Variants in ARHGDIA observed in about 807,000 individuals in gnomAD.
The protein encoded by ARHGDIA is rho GDP-dissociation inhibitor 1.
A neutral mutation model predicts 25.0 loss-of-function variants in ARHGDIA; 9 were observed. That is an observed-to-expected ratio of 0.36 (90% confidence interval 0.22 to 0.63). The LOEUF is 0.63. ARHGDIA is among the 20% of genes least tolerant of loss of function. The probability of loss-of-function intolerance (pLI) is 0.69; values close to 1 mark genes in which losing one functional copy is unlikely to be tolerated. For missense variants in ARHGDIA, 239 were observed against 264.3 expected (o/e 0.90, Z 0.66); for synonymous variants, 166 against 111.5 (o/e 1.49, Z -3.08).
chr17:81,868,891 C>T lies in ARHGDIA; in HGVS notation c.600G>A (p.Lys200=). The change falls in exon 6 of 6, where the codon AAG becomes AAA. Residue 200 remains lysine (K), a synonymous_variant. Coordinates refer to ENST00000269321, the MANE Select transcript of ARHGDIA (RefSeq NM_004309.6). ...LSWEWNLTIK[K]DWKD ...CTGGCTGGGCTCAGTCCTTCCAGTC[C>T]TTCTTGATGGTGAGATTCCACTCCC... 2 of 1,613,310 alleles carry T rather than the reference C, an allele frequency of 1.2e-6. No homozygotes were observed. Among genetic ancestry groups the T allele is most frequent in the South Asian group, 1.1e-5 (1 of 91,064 alleles).
chr17:81,869,149 T>G (rs1400000229), intron 5 of ARHGDIA, 24 bp downstream of exon 5: 1 of 1,613,606 alleles, frequency 6.2e-7, no homozygotes, highest in Non-Finnish European at 8.5e-7. Context: ...CGGCCCCCTC[T>G]GCCCTGCCCG....
chr17:81,870,215 G>C (rs914610586), intron 1 of ARHGDIA: 6 of 449,014 alleles, frequency 1.3e-5, no homozygotes, highest in Non-Finnish European at 2.0e-5. Context: ...CTCCACGATG[G>C]AGGAGGCAGC....
At chr17:81,869,499 C>T (rs750339619) in intron 3 of ARHGDIA, 43 bp downstream of exon 3, 1 of 1,604,944 alleles carries the variant, frequency 6.2e-7, no homozygotes, top group South Asian at 1.1e-5. Context: ...CCCGAGATCC[C>T]CACCAGGGGC....
At chr17:81,870,424 G>A (rs1339072311) in intron 1 of ARHGDIA, among the ~76,000 whole-genome samples, 4 of 152,222 alleles carry the variant, frequency 2.6e-5, no homozygotes, top group East Asian at 3.9e-4. Flanking sequence ...TCGGCTCAGC[G>A]TCATCTTTCA....
At position 81,868,585 on chromosome 17, in the gene ARHGDIA, C is replaced by T; in HGVS notation, c.*291G>A. ...CTCGGGTGTGACGGGGAGATAGAAC[C>T]TGGGGGGCACAGAAAGGGCAGCAGA... On this transcript the variant is annotated 3_prime_UTR_variant, in exon 6 of 6. Transcript: ENST00000269321. 5 of 1,535,514 alleles carry T rather than the reference C, an allele frequency of 3.3e-6. 1 individual carries two copies. The highest frequency in any genetic ancestry group is 3.3e-4 in the Middle Eastern group (2 of 5,990).
chr17:81,868,767 C>T lies in ARHGDIA; in HGVS notation c.*109G>A, dbSNP rs371644062. 5 of 1,543,078 alleles carry T rather than the reference C, an allele frequency of 3.2e-6. No homozygotes were observed. Among genetic ancestry groups the T allele is most frequent in the East Asian group, 2.4e-5 (1 of 41,530 alleles). On this transcript the variant is annotated 3_prime_UTR_variant, in exon 6 of 6. Coordinates refer to ENST00000269321, the MANE Select transcript of ARHGDIA (RefSeq NM_004309.6). ...GGGAGGCGGACCAGGGTGGGAGGGG[C>T]ACGGAGGGCCTGTCAGCACTTTGGT... is the stretch of plus-strand genomic sequence containing the variant.
Position 81,868,466 on chromosome 17 carries a change from C to T in ARHGDIA, c.*410G>A, listed in dbSNP as rs1282958205. 3 of 1,512,302 alleles carry T rather than the reference C, an allele frequency of 2.0e-6. No homozygotes were observed. The highest frequency in any genetic ancestry group is 2.6e-6 in the Non-Finnish European group (3 of 1,133,344). 93.7% of individuals were successfully genotyped at this position (1,512,302 alleles called of 1,614,324 possible). ...GGCCCCCACGAGGCCGTGCATCCCA[C>T]ACCCCAGCTCCACCCCGGAGCAGCA... On this transcript the variant is annotated 3_prime_UTR_variant, in exon 6 of 6. Transcript: ENST00000269321.
Position 81,868,786 on chromosome 17 carries a change from C to G in ARHGDIA, c.*90G>C, listed in dbSNP as rs748293793. 3.6e-6 allele frequency: 4 copies of G among 1,101,104 alleles called. No homozygotes were observed. The South Asian group carries it at 5.2e-5, about 14-fold the overall frequency. 68.2% of individuals were successfully genotyped at this position (1,101,104 alleles called of 1,614,324 possible). ...GAGGGGCACGGAGGGCCTGTCAGCA[C>G]TTTGGTATGGGGAGGGGAGGGGCTG... is the stretch of plus-strand genomic sequence containing the variant. On this transcript the variant is annotated 3_prime_UTR_variant, in exon 6 of 6. Coordinates refer to ENST00000269321, the MANE Select transcript of ARHGDIA (RefSeq NM_004309.6).
rs760287781 is a variant in ARHGDIA, at chr17:81,868,930, G to T, written c.561C>A (p.Thr187=). The T allele has an allele frequency of 1.2e-6, 2 of 1,613,630 alleles. No individual in the cohort carries two copies. The highest frequency in any genetic ancestry group is 3.3e-5 in the Admixed American group (2 of 59,996). ...GATTCCACTCCCAGGACAGGTGGTC[G>T]GTCTTGTCGTCGTCTGTGAAGCGGG... is the stretch of plus-strand genomic sequence containing the variant. ...IKSRFTDDDK[T]DHLSWEWNLT... is the part of the protein sequence containing the mutation. The change falls in exon 6 of 6, where the codon ACC becomes ACA. Residue 187 remains threonine (T), a synonymous_variant. Coordinates refer to ENST00000269321, the MANE Select transcript of ARHGDIA (RefSeq NM_004309.6).
Position 81,868,926 on chromosome 17 carries a change from G to A in ARHGDIA, c.565C>T (p.His189Tyr), listed in dbSNP as rs11546985. The change falls in exon 6 of 6, where the codon CAC becomes TAC. Residue 189 changes from histidine (H) to tyrosine (Y), a missense_variant. His to Tyr is a moderately conservative substitution (Grantham distance 83, BLOSUM62 2). Coordinates refer to ENST00000269321, the MANE Select transcript of ARHGDIA (RefSeq NM_004309.6). ...GTGAGATTCCACTCCCAGGACAGGT[G>A]GTCGGTCTTGTCGTCGTCTGTGAAG... Reference protein sequence around the residue: ...SRFTDDDKTDHLSWEWNLTIK... With the variant: ...SRFTDDDKTDYLSWEWNLTIK... 3 of 1,613,762 alleles carry A rather than the reference G, an allele frequency of 1.9e-6. No individual in the cohort carries two copies. The highest frequency in any genetic ancestry group is 2.5e-6 in the Non-Finnish European group (3 of 1,179,952).
rs1029628347 is a variant in ARHGDIA at position 81,869,256 on chromosome 17, G to T, written c.352-20C>A. The T allele has an allele frequency of 8.7e-6, 14 of 1,614,010 alleles. No homozygotes were observed. Among genetic ancestry groups the T allele is most frequent in the South Asian group, 4.4e-5 (4 of 91,084 alleles). On this transcript the variant is annotated intron_variant, in intron 4 of 5. Coordinates refer to ENST00000269321, the MANE Select transcript of ARHGDIA (RefSeq NM_004309.6). Reference sequence around the variant, plus strand: ...GTTAACCTGCAGGACCCGAAGCGAGGATCAGGGAAGGTCGGTCCGGACCCC... The same window carrying T: ...GTTAACCTGCAGGACCCGAAGCGAGTATCAGGGAAGGTCGGTCCGGACCCC...
Position 81,869,531 on chromosome 17 carries a change from AG to A in ARHGDIA, c.274+10del, listed in dbSNP as rs1337506152. 14 of 1,597,474 alleles carry A rather than the reference AG, an allele frequency of 8.8e-6. No homozygotes were observed. Among genetic ancestry groups the A allele is most frequent in the African/African-American group, 1.3e-5 (1 of 74,330 alleles). ...GGGCCGCCCGGACCCCCGCGGCCGC[AG>A]GGCACTCACCCGTCAGGTCCAGCTC... On this transcript the variant is annotated intron_variant, in intron 3 of 5. Coordinates refer to ENST00000269321, the MANE Select transcript of ARHGDIA (RefSeq NM_004309.6).
intron 1 of ARHGDIA, 41 bp downstream of exon 1, chr17:81,871,257 C>G (rs1000922657): frequency 1.3e-5 from 2 of 149,678 alleles, no homozygotes; most frequent in Non-Finnish European, 3.0e-5. Context: ...CCCGACCCGC[C>G]GCCTCCGCCC....
Position 81,868,804 on chromosome 17 carries a change from A to AGGGGC in ARHGDIA, c.*67_*71dup. ...GTCAGCACTTTGGTATGGGGAGGGG[A>AGGGGC]GGGGCTGGGGGGGACACATCCGCCT... is the stretch of plus-strand genomic sequence containing the variant. On this transcript the variant is annotated 3_prime_UTR_variant, in exon 6 of 6. Transcript: ENST00000269321. 2.2e-6 allele frequency: 1 copy of AGGGGC among 464,022 alleles called. No homozygotes were observed. Among genetic ancestry groups the AGGGGC allele is most frequent in the Non-Finnish European group, 3.1e-6 (1 of 322,924 alleles). The allele number at this position is 464,022 out of a possible 1,614,324, so 28.7% of individuals were successfully genotyped here.
chr17:81,868,123 G>A lies in ARHGDIA; in HGVS notation c.*753C>T, dbSNP rs763498600. On this transcript the variant is annotated 3_prime_UTR_variant, in exon 6 of 6. Coordinates refer to ENST00000269321, the MANE Select transcript of ARHGDIA (RefSeq NM_004309.6). Reference sequence around the variant, plus strand: ...AGGACAATACCCAGCCTCCTGGATGGTACTGAGGTGACTTGAGTTTTGGCA... The same window carrying A: ...AGGACAATACCCAGCCTCCTGGATGATACTGAGGTGACTTGAGTTTTGGCA... The A allele has an allele frequency of 2.5e-5, 12 of 474,710 alleles. No individual in the cohort carries two copies. Among genetic ancestry groups the A allele is most frequent in the Non-Finnish European group, 4.1e-5 (11 of 268,708 alleles). The allele number at this position is 474,710 out of a possible 1,614,324, so 29.4% of individuals were successfully genotyped here.
Position 81,869,749 on chromosome 17 carries a change from A to G in ARHGDIA, c.182T>C (p.Val61Ala). 1.2e-6 allele frequency: 2 copies of G among 1,613,054 alleles called. No homozygotes were observed. The highest frequency in any genetic ancestry group is 1.7e-6 in the Non-Finnish European group (2 of 1,179,662). The change falls in exon 2 of 6, where the codon GTT becomes GCT. Residue 61 changes from valine (V) to alanine (A), a missense_variant. Val to Ala is a moderately conservative substitution (Grantham distance 64). Around this residue, in one of 3 missense-constraint regions of ARHGDIA, gnomAD observed 135 missense variants for 119.8 expected, o/e 1.13. Transcript: ENST00000269321. ...YKEALLGRVA[V>A]SADPNVPNVV... ...CCGCAGCCCAGACTCACCTGCGGAAACGGCCACGCGGCCCAGCAGGGCCTC... is the reference window on the plus strand; with the variant it reads ...CCGCAGCCCAGACTCACCTGCGGAAGCGGCCACGCGGCCCAGCAGGGCCTC...
At chr17:81,869,300 A>G (rs370209119) in intron 4 of ARHGDIA, 30 bp downstream of exon 4, 464 of 1,613,624 alleles carry the variant, frequency 2.9e-4, no homozygotes, top group Non-Finnish European at 3.5e-4. Flanking sequence ...CCCCGCCTCC[A>G]TTCCCTGGCC....
In ARHGDIA at chr17:81,869,874, C is replaced by T. The variant is rs767577994; in HGVS notation, c.57G>A (p.Glu19=). 52 of 1,613,984 alleles carry T rather than the reference C, an allele frequency of 3.2e-5. 2 individuals are homozygous for T. In the Admixed American group the frequency reaches 7.0e-4, roughly 22 times the overall value. ...EQLAQIAAEN[E]EDEHSVNYKP... ...TGTAGTTGACCGAGTGCTCATCCTC[C>T]TCGTTCTCCGCTGCAATCTGGGCCA... The change falls in exon 2 of 6, where the codon GAG becomes GAA. Residue 19 remains glutamate (E), a synonymous_variant. Transcript: ENST00000269321.
intron 1 of ARHGDIA, chr17:81,870,297 C>T (rs762483511): frequency 3.8e-6 from 1 of 265,386 alleles, no homozygotes; most frequent in Non-Finnish European, 7.3e-6. Flanking sequence ...TAAACCCTCT[C>T]TTAGGGTCTT....
Sources: allele counts gnomAD v4.1 joint callset (sites outside exome capture counted in the v4.1 genomes callset), GRCh38; gene constraint gnomAD v4.1.1; regional missense constraint gnomAD v4.1.1; transcripts MANE v1.5; gene names NCBI Gene and HGNC (gene_info 2026-07-23, HGNC 2026-07-21).